The following PDE1A variants were observed in gnomAD, a reference collection of about 807,000 sequenced individuals.
The protein encoded by PDE1A is phosphodiesterase 1A.
PDE1A carries 35 observed loss-of-function variants against 61.7 expected under a neutral mutation model. That is an observed-to-expected ratio of 0.57 (90% CI 0.43 to 0.75). PDE1A has a LOEUF of 0.75. Ranked by LOEUF, PDE1A falls within the 30% of genes least tolerant of loss-of-function variation. The pLI is 0.00. For missense variants in PDE1A, 597 were observed against 630.6 expected (o/e 0.95, Z 0.57); for synonymous variants, 232 against 213.2 (o/e 1.09, Z -0.77).
chr2:182,552,958 G>A, the PDE1A span, among the ~76,000 whole-genome samples: 1 of 152,252 alleles, frequency 6.6e-6, no homozygotes, highest in East Asian at 1.9e-4. Context: ...CATCCCTCCA[G>A]ATCCAGCAGG....
At chr2:182,325,293 AC>A (rs1335661162) in intron 1 of PDE1A, among the ~76,000 whole-genome samples, 2 of 152,242 alleles carry the variant, frequency 1.3e-5, no homozygotes, top group Non-Finnish European at 2.9e-5. Context: ...ATGTGGCTTT[AC>A]CATACAACAT....
At chr2:182,649,237 C>G in the PDE1A span, among the ~76,000 whole-genome samples, 1 of 152,160 alleles carries the variant, frequency 6.6e-6, no homozygotes, top group African/African-American at 2.4e-5. Context: ...TGCCTGGCGA[C>G]AGGGTATGTG....
chr2:182,658,059 A>AC, the PDE1A span, among the ~76,000 whole-genome samples: 14 of 109,878 alleles, frequency 1.3e-4, no homozygotes, highest in South Asian at 1.0e-3. Flanking sequence ...AAAAAAAAAA[A>AC]AAAAAAAAAA....
At chr2:182,560,662 T>C in the PDE1A span, among the ~76,000 whole-genome samples, 1 of 152,218 alleles carries the variant, frequency 6.6e-6, no homozygotes, top group Non-Finnish European at 1.5e-5. Flanking sequence ...ATGGTTGAAC[T>C]AGTTTACAGT....
At chr2:182,381,585 G>A (rs888269516) in intron 1 of PDE1A, among the ~76,000 whole-genome samples, 3 of 152,146 alleles carry the variant, frequency 2.0e-5, no homozygotes, top group African/African-American at 4.8e-5. Flanking sequence ...AGGCGGAGGC[G>A]AGCAGATCAC....
intron 13 of PDE1A, among the ~76,000 whole-genome samples, chr2:182,171,093 C>G (rs577644127): frequency 7.9e-5 from 12 of 151,832 alleles, no homozygotes; most frequent in African/African-American, 2.9e-4. Flanking sequence ...TTGTTTCCTA[C>G]TGAGAAAATG....
At chr2:182,177,266 A>G in intron 13 of PDE1A, among the ~76,000 whole-genome samples, 1 of 152,136 alleles carries the variant, frequency 6.6e-6, no homozygotes, top group South Asian at 2.1e-4. Flanking sequence ...GAATGGCACC[A>G]GTTTCTCCTT....
the PDE1A span, among the ~76,000 whole-genome samples, chr2:182,569,525 G>A: frequency 6.6e-6 from 1 of 152,054 alleles, no homozygotes; most frequent in Non-Finnish European, 1.5e-5. Flanking sequence ...ATGGTAGAAG[G>A]AGAAAAGAAG....
chr2:182,462,504 C>T (rs1027762622), intron 2 of PDE1A, among the ~76,000 whole-genome samples: 2 of 151,816 alleles, frequency 1.3e-5, no homozygotes, highest in Admixed American at 6.6e-5. Flanking sequence ...AGGACAGCCA[C>T]GTTTAGGCTA....
chr2:182,272,199 C>T (rs1693074804), intron 1 of PDE1A, among the ~76,000 whole-genome samples: 1 of 152,118 alleles, frequency 6.6e-6, no homozygotes, highest in Non-Finnish European at 1.5e-5. Flanking sequence ...AAGAAATAGT[C>T]ACTTTCCCAG....
At chr2:182,361,945 A>T (rs1699537450) in intron 1 of PDE1A, among the ~76,000 whole-genome samples, 1 of 152,052 alleles carries the variant, frequency 6.6e-6, no homozygotes, top group African/African-American at 2.4e-5. Flanking sequence ...TCTACCAAGC[A>T]AAAGGAACAG....
chr2:182,184,007 GAAGAAAGAAAGAAAGA>G (rs36010429), intron 13 of PDE1A, among the ~76,000 whole-genome samples: 1,960 of 134,688 alleles, frequency 0.015, 34 homozygotes, highest in African/African-American at 0.038. Flanking sequence ...GAAAGGAAGA[GAAGAAAGAAAGAAAGA>G]AAGAAAGAAA....
chr2:182,231,959 C>T (rs972039425), intron 4 of PDE1A, among the ~76,000 whole-genome samples: 2 of 151,890 alleles, frequency 1.3e-5, no homozygotes, highest in Non-Finnish European at 1.5e-5. Context: ...AATATCATAG[C>T]GAGATAGAGT....
chr2:182,182,789 T>G (rs566787517), intron 13 of PDE1A, among the ~76,000 whole-genome samples: 27 of 151,994 alleles, frequency 1.8e-4, no homozygotes, highest in African/African-American at 6.5e-4. Context: ...TTTTAAAAAT[T>G]TGTTAACACC....
chr2:182,336,006 C>T (rs1278318842), intron 1 of PDE1A, among the ~76,000 whole-genome samples: 1 of 152,048 alleles, frequency 6.6e-6, no homozygotes, highest in Non-Finnish European at 1.5e-5. Flanking sequence ...GGCCAACAAA[C>T]ATATGAAAAA....
chr2:182,152,744 T>C (rs1424232779), intron 13 of PDE1A, among the ~76,000 whole-genome samples: 1 of 152,160 alleles, frequency 6.6e-6, no homozygotes, highest in African/African-American at 2.4e-5. Flanking sequence ...TTAATTTTAA[T>C]GCATTTGGAG....
the PDE1A span, among the ~76,000 whole-genome samples, chr2:182,665,435 C>T: frequency 6.6e-6 from 1 of 152,094 alleles, no homozygotes; most frequent in Non-Finnish European, 1.5e-5. Context: ...TCTCAGAAGA[C>T]ATTTATGTGG....
At chr2:182,644,283 G>GTGTGTC in the PDE1A span, among the ~76,000 whole-genome samples, 1 of 149,970 alleles carries the variant, frequency 6.7e-6, no homozygotes, top group South Asian at 2.2e-4. Flanking sequence ...GTGTGTGTGT[G>GTGTGTC]TGTGTGTGTG....
At chr2:182,212,519 T>G (rs996789699) in intron 7 of PDE1A, among the ~76,000 whole-genome samples, 1 of 152,092 alleles carries the variant, frequency 6.6e-6, no homozygotes, top group Non-Finnish European at 1.5e-5. Context: ...TTCATCTCAG[T>G]AGGGAGTGCC....
Sources: allele counts gnomAD v4.1 joint callset (sites outside exome capture counted in the v4.1 genomes callset), GRCh38; gene constraint gnomAD v4.1.1; transcripts MANE v1.5; gene names NCBI Gene and HGNC (gene_info 2026-07-23, HGNC 2026-07-21).